The following CYP4F22 variants were observed in gnomAD, a reference collection of about 807,000 sequenced individuals.
CYP4F22 encodes cytochrome P450 family 4 subfamily F member 22, also known as ultra-long-chain fatty acid omega-hydroxylase.
Under a neutral mutation model 60.4 loss-of-function variants are expected in CYP4F22, and 37 were observed. The observed-to-expected ratio is 0.61, with a 90% CI of 0.47 to 0.81. The LOEUF is 0.81. Among genes scored for constraint, CYP4F22 ranks in the 30% least tolerant of loss-of-function variants. The pLI is 0.00. For synonymous variants in CYP4F22, 258 were observed against 280.5 expected (o/e 0.92, Z 0.80); for missense variants, 655 against 715.0 (o/e 0.92, Z 0.96).
intron 3 of CYP4F22, among the ~76,000 whole-genome samples, chr19:15,526,904 C>A (rs138331389): frequency 6.6e-6 from 1 of 152,052 alleles, no homozygotes; most frequent in Non-Finnish European, 1.5e-5. Flanking sequence ...AAGTGCATGC[C>A]CCCACGCCTG....
intron 1 of CYP4F22, among the ~76,000 whole-genome samples, chr19:15,513,025 C>T (rs1482267884): frequency 6.6e-6 from 1 of 150,954 alleles, no homozygotes; most frequent in Admixed American, 6.6e-5. Context: ...TTTTGTATTA[C>T]CATTTATTGG....
At chr19:15,543,184 GTTC>G (rs1191106956) in intron 8 of CYP4F22, among the ~76,000 whole-genome samples, 3 of 152,064 alleles carry the variant, frequency 2.0e-5, no homozygotes, top group African/African-American at 7.2e-5. Context: ...TTGTAAAAGC[GTTC>G]CTATTTCTCC....
intron 3 of CYP4F22, among the ~76,000 whole-genome samples, chr19:15,527,629 G>C (rs955226679): frequency 1.3e-5 from 2 of 152,200 alleles, no homozygotes; most frequent in African/African-American, 4.8e-5. Flanking sequence ...CTGGGCCCAC[G>C]GGGGCTGGGT....
chr19:15,551,234 C>A, intron 13 of CYP4F22, 60 bp from the exon 14 acceptor site: 1 of 1,566,936 alleles, frequency 6.4e-7, no homozygotes, highest in Middle Eastern at 1.8e-4. Context: ...AGGCATGTGA[C>A]CCCCGGGGAC....
chr19:15,549,269 G>A (rs938802225), intron 12 of CYP4F22, 67 bp downstream of exon 12: 26 of 1,557,350 alleles, frequency 1.7e-5, no homozygotes, highest in Admixed American at 5.0e-5. Context: ...GGGAGCCAGC[G>A]AGCAGGGCTG....
intron 1 of CYP4F22, among the ~76,000 whole-genome samples, chr19:15,512,961 T>A (rs1971108562): frequency 6.6e-6 from 1 of 151,702 alleles, no homozygotes; most frequent in Non-Finnish European, 1.5e-5. Context: ...TTCCAGAGGC[T>A]GCCACCATTT....
At position 15,534,644 on chromosome 19, in the gene CYP4F22, A is replaced by G. The variant is rs118003028; in HGVS notation, c.368-2717A>G. ...CCATCTCCTTTTTGCTGGAGGGGAAAACTGGTGAGGAGCGTGGACACAGAC... is the reference window on the plus strand; with the variant it reads ...CCATCTCCTTTTTGCTGGAGGGGAAGACTGGTGAGGAGCGTGGACACAGAC... On this transcript the variant is annotated intron_variant, in intron 4 of 13. Transcript: ENST00000269703. Among the ~76,000 whole-genome samples, 802 of 152,162 alleles carry G rather than the reference A, an allele frequency of 5.3e-3. 4 individuals are homozygous for G. The highest frequency in any genetic ancestry group is 6.2e-3 in the Non-Finnish European group (423 of 68,004).
intron 4 of CYP4F22, among the ~76,000 whole-genome samples, chr19:15,535,664 T>TCATC (rs1971387245): frequency 6.6e-6 from 1 of 151,506 alleles, no homozygotes. Flanking sequence ...ATCCATCCAT[T>TCATC]CATCCATCCA....
chr19:15,543,881 G>A (rs1417621462), intron 8 of CYP4F22, 90 bp from the exon 9 acceptor site: 22 of 1,322,166 alleles, frequency 1.7e-5, no homozygotes, highest in Non-Finnish European at 2.1e-5. Context: ...AAAAAAAGAT[G>A]GGGGCGGGGA....
At chr19:15,548,341 T>A (rs941514803) in intron 11 of CYP4F22, 100 bp downstream of exon 11, 11 of 1,540,064 alleles carry the variant, frequency 7.1e-6, no homozygotes, top group African/African-American at 1.4e-5. Context: ...AGGTGCACTA[T>A]CCCTGCAGAT....
Position 15,540,613 on chromosome 19 carries a change from A to G in CYP4F22, c.835A>G (p.Ile279Val). The G allele has an allele frequency of 6.2e-7, 1 of 1,614,230 alleles. No individual in the cohort carries two copies. Among genetic ancestry groups the G allele is most frequent in the Non-Finnish European group, 8.5e-7 (1 of 1,180,052 alleles). ...GGTGCACCACTTCACCACTGAAGTC[A>G]TCCAGGAACGGCGGCGGGCACTGCG... ...DMVHHFTTEVIQERRRALRQQ... is the reference protein window; with the variant it reads ...DMVHHFTTEVVQERRRALRQQ... The change falls in exon 8 of 14, where the codon ATC becomes GTC. Residue 279 changes from isoleucine (I) to valine (V), a missense_variant. Ile to Val is a conservative substitution (Grantham distance 29, BLOSUM62 3). This residue lies in a region of CYP4F22 where 430 missense variants were observed against 457.1 expected (regional missense o/e 0.94). Transcript: ENST00000269703.
At chr19:15,518,278 A>T (rs1220668845) in intron 1 of CYP4F22, among the ~76,000 whole-genome samples, 1 of 152,040 alleles carries the variant, frequency 6.6e-6, no homozygotes, top group East Asian at 1.9e-4. Context: ...TTGTGGCTGC[A>T]GTGAGCTATG....
chr19:15,544,016 G>A lies in CYP4F22; in HGVS notation c.985G>A (p.Ala329Thr), dbSNP rs1971493856. ...ELSDEDIRAE[A>T]DTFMFEGHDT... Reference sequence around the variant, plus strand: ...GTCAGACGAGGATATCCGAGCCGAAGCAGACACCTTCATGTTTGAGGGTGA... The same window carrying A: ...GTCAGACGAGGATATCCGAGCCGAAACAGACACCTTCATGTTTGAGGGTGA... The change falls in exon 9 of 14, where the codon GCA (alanine) becomes ACA (threonine). Residue 329 changes from alanine (A) to threonine (T), a missense_variant. By Grantham distance (58) the Ala-to-Thr change is moderately conservative. Transcript: ENST00000269703. 2 of 1,614,042 alleles carry A rather than the reference G, an allele frequency of 1.2e-6. No individual in the cohort carries two copies. The highest frequency in any genetic ancestry group is 2.2e-5 in the South Asian group (2 of 91,090).
At chr19:15,528,038 G>T (rs1182851452) in intron 3 of CYP4F22, among the ~76,000 whole-genome samples, 2 of 152,178 alleles carry the variant, frequency 1.3e-5, no homozygotes, top group Non-Finnish European at 2.9e-5. Context: ...TACTAGCTTT[G>T]CAGATGATGC....
chr19:15,550,333 A>G (rs1029000683), intron 12 of CYP4F22, among the ~76,000 whole-genome samples: 1 of 152,276 alleles, frequency 6.6e-6, no homozygotes. Flanking sequence ...AAAAAAAAAG[A>G]AAAACAGGTG....
intron 11 of CYP4F22, among the ~76,000 whole-genome samples, chr19:15,548,643 A>G (rs534476893): frequency 1.3e-5 from 2 of 152,264 alleles, no homozygotes; most frequent in Admixed American, 1.3e-4. Flanking sequence ...GGAATCAGGA[A>G]TGGGCTAAAG....
chr19:15,521,075 C>T (rs1369607126), intron 1 of CYP4F22, among the ~76,000 whole-genome samples: 2 of 152,052 alleles, frequency 1.3e-5, no homozygotes, highest in African/African-American at 4.8e-5. Flanking sequence ...CTGTGATTGG[C>T]TTATTTCACT....
At chr19:15,522,147 GAAAAAAAAAA>G (rs5827288) in intron 1 of CYP4F22, among the ~76,000 whole-genome samples, 1 of 82,858 alleles carries the variant, frequency 1.2e-5, no homozygotes, top group Non-Finnish European at 2.6e-5. Context: ...CTTTGTCTCA[GAAAAAAAAAA>G]AAAAAAAAAG....
At chr19:15,519,610 G>A (rs1971197528) in intron 1 of CYP4F22, among the ~76,000 whole-genome samples, 1 of 152,094 alleles carries the variant, frequency 6.6e-6, no homozygotes, top group Non-Finnish European at 1.5e-5. Context: ...GCAGGAGTGA[G>A]TTCCTGAAGG....
Sources: allele counts gnomAD v4.1 joint callset (sites outside exome capture counted in the v4.1 genomes callset), GRCh38; gene constraint gnomAD v4.1.1; regional missense constraint gnomAD v4.1.1; transcripts MANE v1.5; gene names NCBI Gene and HGNC (gene_info 2026-07-23, HGNC 2026-07-21).